The following PRKG1 variants were observed in gnomAD, a reference collection of about 807,000 sequenced individuals.
The protein encoded by PRKG1 is protein kinase cGMP-dependent 1.
PRKG1 carries 35 observed loss-of-function variants against 88.1 expected under a neutral mutation model. The ratio of observed to expected loss-of-function variants is 0.40; its 90% CI spans 0.30 to 0.53. PRKG1 has a LOEUF of 0.53. Ranked by LOEUF, PRKG1 falls within the 20% of genes least tolerant of loss-of-function variation. The pLI, the probability that PRKG1 is intolerant of heterozygous loss-of-function variation, is 0.59. For synonymous variants in PRKG1, 303 were observed against 292.5 expected (o/e 1.04, Z -0.37); for missense variants, 540 against 839.8 (o/e 0.64, Z 4.41).
intron 3 of PRKG1, among the ~76,000 whole-genome samples, chr10:51,498,764 G>A (rs1054845011): frequency 1.3e-5 from 2 of 152,144 alleles, no homozygotes; most frequent in Non-Finnish European, 1.5e-5. Context: ...CGAATGTACT[G>A]AGGTTGACTT....
intron 1 of PRKG1, among the ~76,000 whole-genome samples, chr10:51,028,406 C>T (rs1843237026): frequency 6.6e-6 from 1 of 152,106 alleles, no homozygotes; most frequent in Admixed American, 6.6e-5. Flanking sequence ...TTCACTTGTG[C>T]CTTCATGTAA....
chr10:51,741,298 A>C (rs1334951636), intron 3 of PRKG1, among the ~76,000 whole-genome samples: 1 of 152,156 alleles, frequency 6.6e-6, no homozygotes, highest in Non-Finnish European at 1.5e-5. Context: ...GCTCTGCATT[A>C]TCAAGTCTAG....
chr10:51,395,748 G>A (rs1837559785), intron 2 of PRKG1, among the ~76,000 whole-genome samples: 1 of 152,196 alleles, frequency 6.6e-6, no homozygotes, highest in Admixed American at 6.5e-5. Flanking sequence ...GCACATTAGG[G>A]AGAAGGGTTT....
At chr10:51,016,212 G>T (rs1188745391) in intron 1 of PRKG1, among the ~76,000 whole-genome samples, 1 of 152,020 alleles carries the variant, frequency 6.6e-6, no homozygotes, top group Non-Finnish European at 1.5e-5. Context: ...TTGACCCTGG[G>T]TCCCTCCTCT....
chr10:52,188,200 G>GTA (rs1192281956), intron 9 of PRKG1, among the ~76,000 whole-genome samples: 8 of 80,990 alleles, frequency 9.9e-5, no homozygotes, highest in South Asian at 4.5e-4. Context: ...ATGTGTGTGT[G>GTA]TATATATATA....
intron 9 of PRKG1, chr10:52,231,379 C>T (rs1251536873): frequency 1.3e-5 from 2 of 151,284 alleles, no homozygotes; most frequent in Non-Finnish European, 2.9e-5. Flanking sequence ...CCAGCTTGGG[C>T]AATAGAGCTG....
chr10:51,193,923 C>T (rs1475274361), intron 2 of PRKG1, among the ~76,000 whole-genome samples: 4 of 152,134 alleles, frequency 2.6e-5, no homozygotes, highest in Admixed American at 2.6e-4. Flanking sequence ...AGGAAAGCAA[C>T]ACCCTAAAAC....
chr10:51,289,597 G>A (rs1476153516), intron 2 of PRKG1, among the ~76,000 whole-genome samples: 14 of 151,948 alleles, frequency 9.2e-5, no homozygotes, highest in Non-Finnish European at 2.9e-5. Context: ...AGTCACCTAG[G>A]ATACTTGGGA....
At chr10:52,168,597 T>A (rs924548429) in intron 9 of PRKG1, among the ~76,000 whole-genome samples, 11 of 152,066 alleles carry the variant, frequency 7.2e-5, no homozygotes, top group African/African-American at 2.7e-4. Context: ...AACTGGGCAC[T>A]CTTGTCTCTG....
rs572402957 is a variant in PRKG1, at chr10:51,957,374, C to G, written c.762+49804C>G. Among the ~76,000 whole-genome samples, 150 of 151,678 alleles carry G rather than the reference C, an allele frequency of 9.9e-4. 1 individual carries two copies. In the South Asian group the frequency reaches 0.031, roughly 31 times the overall value. ...TGGCACAATCATAGCTCATTACAAC[C>G]TAAGACTCCTGGGCTCAAGTGATCC... On this transcript the variant is annotated intron_variant, in intron 5 of 17. Transcript: ENST00000373980.
chr10:51,529,474 T>C (rs1344194912), intron 3 of PRKG1, among the ~76,000 whole-genome samples: 1 of 152,208 alleles, frequency 6.6e-6, no homozygotes, highest in Non-Finnish European at 1.5e-5. Flanking sequence ...TCTCTAACAA[T>C]GTCACCTACC....
At chr10:51,079,599 G>A (rs1427459072) in intron 1 of PRKG1, among the ~76,000 whole-genome samples, 1 of 152,162 alleles carries the variant, frequency 6.6e-6, no homozygotes, top group Non-Finnish European at 1.5e-5. Flanking sequence ...AGGCCAGTGA[G>A]AATGAGAATC....
intron 3 of PRKG1, among the ~76,000 whole-genome samples, chr10:51,667,694 T>A (rs1182584757): frequency 2.6e-5 from 4 of 152,236 alleles, no homozygotes; most frequent in Non-Finnish European, 4.4e-5. Context: ...TTTATATTTC[T>A]ATACTGCTCA....
intron 9 of PRKG1, among the ~76,000 whole-genome samples, chr10:52,216,197 T>A (rs76969343): frequency 0.018 from 2,754 of 152,324 alleles, 77 homozygotes; most frequent in African/African-American, 0.063. Flanking sequence ...TATACTCTTC[T>A]TAGACACTTC....
intron 3 of PRKG1, among the ~76,000 whole-genome samples, chr10:51,576,420 A>T (rs1373002685): frequency 1.3e-5 from 2 of 151,978 alleles, no homozygotes; most frequent in African/African-American, 4.8e-5. Flanking sequence ...TACATACATA[A>T]TATTATATTC....
intron 2 of PRKG1, among the ~76,000 whole-genome samples, chr10:51,154,731 C>T (rs1374525767): frequency 6.6e-6 from 1 of 151,756 alleles, no homozygotes; most frequent in African/African-American, 2.4e-5. Flanking sequence ...ATATAAAATT[C>T]TTCCCAGGCC....
chr10:52,177,003 T>A (rs1564503486), intron 9 of PRKG1, among the ~76,000 whole-genome samples: 7 of 152,108 alleles, frequency 4.6e-5, no homozygotes, highest in Admixed American at 2.6e-4. Context: ...TTGGATGCCC[T>A]TTATTTGTTT....
At chr10:51,267,157 G>GA (rs1395958747) in intron 2 of PRKG1, among the ~76,000 whole-genome samples, 1 of 151,988 alleles carries the variant, frequency 6.6e-6, no homozygotes, top group Non-Finnish European at 1.5e-5. Flanking sequence ...TTTTTTCTGT[G>GA]AAAATTCTAT....
intron 4 of PRKG1, among the ~76,000 whole-genome samples, chr10:51,887,708 G>A (rs1268517894): frequency 6.6e-6 from 1 of 152,068 alleles, no homozygotes; most frequent in Non-Finnish European, 1.5e-5. Context: ...ATACCTACCG[G>A]CATTTTGTAT....
Sources: allele counts gnomAD v4.1 joint callset (sites outside exome capture counted in the v4.1 genomes callset), GRCh38; gene constraint gnomAD v4.1.1; transcripts MANE v1.5; gene names NCBI Gene and HGNC (gene_info 2026-07-23, HGNC 2026-07-21).